SLC24A4: variants seen among roughly 807,000 people sequenced by gnomAD.
SLC24A4 encodes solute carrier family 24 member 4, also known as sodium/potassium/calcium exchanger 4.
Under a neutral mutation model 79.0 loss-of-function variants are expected in SLC24A4, and 53 were observed. The observed-to-expected ratio is 0.67, with a 90% CI of 0.54 to 0.84. The LOEUF (loss-of-function observed/expected upper bound fraction) is 0.84, where lower values mean the gene tolerates loss of function less well. SLC24A4 is among the 40% of genes least tolerant of loss of function. SLC24A4 has a pLI of 0.00. For synonymous variants in SLC24A4, 323 were observed against 323.8 expected (o/e 1.00, Z 0.03); for missense variants, 731 against 822.0 (o/e 0.89, Z 1.35).
intron 11 of SLC24A4, among the ~76,000 whole-genome samples, chr14:92,454,857 G>A (rs1419514405): frequency 2.0e-5 from 3 of 152,010 alleles, no homozygotes; most frequent in Non-Finnish European, 2.9e-5. Flanking sequence ...GAATCATTTC[G>A]GTCCAATTCG....
chr14:92,438,343 C>G (rs1892291767), intron 3 of SLC24A4, among the ~76,000 whole-genome samples: 1 of 152,314 alleles, frequency 6.6e-6, no homozygotes, highest in South Asian at 2.1e-4. Context: ...TTGGCTCACT[C>G]CTGTAATCCC....
At chr14:92,333,240 C>T (rs1264324624) in intron 2 of SLC24A4, among the ~76,000 whole-genome samples, 1 of 151,916 alleles carries the variant, frequency 6.6e-6, no homozygotes, top group Non-Finnish European at 1.5e-5. Context: ...ATTACAGGCG[C>T]CCACCACCAT....
intron 12 of SLC24A4, among the ~76,000 whole-genome samples, chr14:92,469,507 C>A (rs1225965902): frequency 6.2e-5 from 9 of 145,574 alleles, no homozygotes; most frequent in African/African-American, 5.1e-5. Context: ...GACTCCATCT[C>A]AAAAAAAAAA....
intron 2 of SLC24A4, among the ~76,000 whole-genome samples, chr14:92,399,186 A>T (rs750896562): frequency 1.3e-5 from 2 of 152,200 alleles, no homozygotes; most frequent in Non-Finnish European, 2.9e-5. Flanking sequence ...GGGTTCTCAG[A>T]AAAGAACATG....
intron 3 of SLC24A4, among the ~76,000 whole-genome samples, chr14:92,438,544 C>T (rs368432716): frequency 2.0e-5 from 3 of 152,210 alleles, no homozygotes; most frequent in East Asian, 1.9e-4. Context: ...GATGAGCCCA[C>T]GAGGTAGAGG....
chr14:92,449,094 C>A lies in SLC24A4; in HGVS notation c.758C>A (p.Ala253Asp), dbSNP rs113522128. 6 of 1,614,054 alleles carry A rather than the reference C, an allele frequency of 3.7e-6. No homozygotes were observed. The highest frequency in any genetic ancestry group is 5.1e-6 in the Non-Finnish European group (6 of 1,180,024). ...LIMKYNVKMQ[A>D]FFTVKQKSIA... Reference sequence around the variant, plus strand: ...TCCAGGTACAATGTGAAGATGCAAGCCTTTTTCACAGTCAAACAAAAGAGC... The same window carrying A: ...TCCAGGTACAATGTGAAGATGCAAGACTTTTTCACAGTCAAACAAAAGAGC... Residue 253 changes from alanine (A) to aspartate (D), a missense_variant, in exon 10 of 17, where the codon GCC (alanine) becomes GAC (aspartate). Ala to Asp is a moderately radical substitution (Grantham distance 126). Transcript: ENST00000532405.
rs8011725 is a variant in SLC24A4 at position 92,497,586 on chromosome 14, G to A, written c.*3958G>A. 9.2e-3 allele frequency: 1,403 copies of A among 152,484 alleles called. 22 individuals carry two copies. Among genetic ancestry groups the A allele is most frequent in the African/African-American group, 0.031 (1,282 of 41,566 alleles). The allele number at this position is 152,484 out of a possible 1,614,324, so 9.4% of individuals were successfully genotyped here. On this transcript the variant is annotated 3_prime_UTR_variant, in exon 17 of 17. Transcript: ENST00000532405. Reference sequence around the variant, plus strand: ...AGAGCGAATGAATCCCAGCGCCAGCGGCTGAGGCTGCCTTCCGTGCCTTCC... The same window carrying A: ...AGAGCGAATGAATCCCAGCGCCAGCAGCTGAGGCTGCCTTCCGTGCCTTCC...
At chr14:92,474,843 G>GTGTGTGTGTATATATATATA (rs779007741) in intron 12 of SLC24A4, among the ~76,000 whole-genome samples, 1 of 23,886 alleles carries the variant, frequency 4.2e-5, no homozygotes, top group Non-Finnish European at 1.2e-4. Context: ...GTGTGTGTGT[G>GTGTGTGTGTATATATATATA]TATATATATA....
At chr14:92,390,753 A>C (rs1889415763) in intron 2 of SLC24A4, among the ~76,000 whole-genome samples, 1 of 152,232 alleles carries the variant, frequency 6.6e-6, no homozygotes, top group Admixed American at 6.5e-5. Context: ...CAGGCCTACC[A>C]GGGAACATTC....
chr14:92,407,561 TA>T (rs1207487778), intron 2 of SLC24A4, among the ~76,000 whole-genome samples: 2 of 152,146 alleles, frequency 1.3e-5, no homozygotes, highest in Non-Finnish European at 2.9e-5. Flanking sequence ...GAAGCATGAC[TA>T]GGGGGCCTGA....
At chr14:92,401,270 A>G (rs1316184655) in intron 2 of SLC24A4, among the ~76,000 whole-genome samples, 2 of 152,190 alleles carry the variant, frequency 1.3e-5, no homozygotes, top group African/African-American at 4.8e-5. Context: ...GAGGGCACCA[A>G]ATGGAAAAAC....
intron 2 of SLC24A4, among the ~76,000 whole-genome samples, chr14:92,337,944 G>T (rs1490115002): frequency 1.3e-5 from 2 of 152,150 alleles, no homozygotes; most frequent in African/African-American, 4.8e-5. Context: ...TCTGATAAAG[G>T]CTGGAGGCTG....
intron 3 of SLC24A4, 47 bp downstream of exon 3, chr14:92,434,035 CCT>C (rs753832942): frequency 6.3e-6 from 9 of 1,436,658 alleles, no homozygotes; most frequent in Non-Finnish European, 8.8e-6. Context: ...GCACATGAAG[CCT>C]CTCTGCACAG....
rs1157472492 is a variant in SLC24A4 at position 92,449,118 on chromosome 14, G to A, written c.782G>A (p.Ser261Asn). 6.2e-7 allele frequency: 1 copy of A among 1,614,218 alleles called. No homozygotes were observed. The highest frequency in any genetic ancestry group is 8.5e-7 in the Non-Finnish European group (1 of 1,180,036). ...MQAFFTVKQK[S>N]IANGNPVNSE... ...GCCTTTTTCACAGTCAAACAAAAGA[G>A]CATTGCAAACGGTAACCCGGTCAAC... Residue 261 changes from serine (S) to asparagine (N), a missense_variant, in exon 10 of 17, where the codon AGC (serine) becomes AAC (asparagine). Ser to Asn is a conservative substitution (Grantham distance 46, BLOSUM62 1). Transcript: ENST00000532405.
intron 7 of SLC24A4, among the ~76,000 whole-genome samples, chr14:92,444,932 T>TACACACACACAC (rs10548937): frequency 1.4e-5 from 2 of 142,838 alleles, no homozygotes; most frequent in Non-Finnish European, 3.1e-5. Context: ...TACACACACA[T>TACACACACACAC]ACACACACAC....
rs558547951 is a variant in SLC24A4 at position 92,426,709 on chromosome 14, T to A, written c.242-7203T>A. Among the ~76,000 whole-genome samples the A allele has an allele frequency of 4.6e-5, 7 of 152,028 alleles. No individual in the cohort carries two copies. The South Asian group carries it at 1.5e-3, about 32-fold the overall frequency. On this transcript the variant is annotated intron_variant, in intron 2 of 16. Transcript: ENST00000532405. ...TCCTAGATGTTCCAACTGTTGCCCA[T>A]GAAAGGCATAAAATTCTTAGCAAAG...
At chr14:92,479,437 T>G (rs1238384255) in intron 12 of SLC24A4, among the ~76,000 whole-genome samples, 4 of 152,322 alleles carry the variant, frequency 2.6e-5, no homozygotes, top group Admixed American at 2.6e-4. Flanking sequence ...TTTTGTCAAA[T>G]GTCTTTTCCG....
chr14:92,446,056 C>G (rs767093627), intron 8 of SLC24A4, among the ~76,000 whole-genome samples: 1 of 152,178 alleles, frequency 6.6e-6, no homozygotes, highest in Non-Finnish European at 1.5e-5. Context: ...AAATCACAAA[C>G]TTCTGAGGAA....
intron 2 of SLC24A4, among the ~76,000 whole-genome samples, chr14:92,384,458 G>A (rs939771034): frequency 4.0e-5 from 6 of 151,826 alleles, no homozygotes; most frequent in African/African-American, 1.5e-4. Context: ...GTGTGCATGG[G>A]GGCCTGCTCT....
Sources: allele counts gnomAD v4.1 joint callset (sites outside exome capture counted in the v4.1 genomes callset), GRCh38; gene constraint gnomAD v4.1.1; transcripts MANE v1.5; gene names NCBI Gene and HGNC (gene_info 2026-07-23, HGNC 2026-07-21).